Variants in CACNB2 observed in about 807,000 individuals in gnomAD.
The protein encoded by CACNB2 is calcium voltage-gated channel auxiliary subunit beta 2.
A neutral mutation model predicts 73.3 loss-of-function variants in CACNB2; 42 were observed. That is an observed-to-expected ratio of 0.57 (90% CI 0.45 to 0.74). The LOEUF (loss-of-function observed/expected upper bound fraction) is 0.74, where lower values mean the gene tolerates loss of function less well. CACNB2 is among the 30% of genes least tolerant of loss of function. CACNB2 has a pLI of 0.00. For missense variants in CACNB2, 940 were observed against 853.0 expected, an observed-to-expected ratio of 1.10 and a Z score of -1.27; for synonymous variants, 348 against 310.3, an observed-to-expected ratio of 1.12 and a Z score of -1.28.
At chr10:18,222,067 A>G (rs1779217) in intron 2 of CACNB2, among the ~76,000 whole-genome samples, 80,563 of 152,078 alleles carry the variant, frequency 0.53, 22,916 homozygotes, top group Middle Eastern at 0.65. Flanking sequence ...TAACGTTACA[A>G]GGAAAGGAAG....
At chr10:18,347,088 T>C (rs563271676) in intron 2 of CACNB2, among the ~76,000 whole-genome samples, 1 of 152,288 alleles carries the variant, frequency 6.6e-6, no homozygotes, top group East Asian at 1.9e-4. Context: ...GTCTTCTTAA[T>C]AGAAGAAAAA....
chr10:18,399,603 G>C (rs755984858), intron 2 of CACNB2, among the ~76,000 whole-genome samples: 2 of 152,078 alleles, frequency 1.3e-5, no homozygotes, highest in East Asian at 3.9e-4. Flanking sequence ...GGCTGGTCTC[G>C]AACTCATGGG....
intron 9 of CACNB2, among the ~76,000 whole-genome samples, chr10:18,525,010 G>A (rs115167919): frequency 0.023 from 3,272 of 142,426 alleles, 144 homozygotes; most frequent in African/African-American, 0.08. Flanking sequence ...TCCAGCCTGG[G>A]TGACAGTGAG....
chr10:18,476,092 G>A (rs1281426538), intron 3 of CACNB2, among the ~76,000 whole-genome samples: 2 of 152,198 alleles, frequency 1.3e-5, no homozygotes, highest in African/African-American at 2.4e-5. Context: ...ACAAGCAGTG[G>A]ATTGTTCATG....
chr10:18,341,552 A>G lies in CACNB2; in HGVS notation c.214-60372A>G, dbSNP rs78794602. 8.8e-3 allele frequency among the ~76,000 whole-genome samples: 1,343 copies of G among 151,966 alleles called. 21 individuals carry two copies. Among genetic ancestry groups the G allele is most frequent in the African/African-American group, 0.031 (1,286 of 41,544 alleles). The stretch of plus-strand genomic sequence containing the variant: ...TTAGAACTTTTAAAGAAAAGACTTT[A>G]TTATTATTTATTGGTGCCTTTTTAG... On this transcript the variant is annotated intron_variant, in intron 2 of 13. Transcript: ENST00000324631.
At chr10:18,265,215 A>G (rs193108762) in intron 2 of CACNB2, among the ~76,000 whole-genome samples, 2 of 149,350 alleles carry the variant, frequency 1.3e-5, no homozygotes, top group Admixed American at 1.3e-4. Context: ...TAGTGGCACA[A>G]TCTCAGCTCT....
At chr10:18,171,012 ATTT>A (rs2033184291) in intron 2 of CACNB2, among the ~76,000 whole-genome samples, 1 of 152,198 alleles carries the variant, frequency 6.6e-6, no homozygotes, top group Non-Finnish European at 1.5e-5. Flanking sequence ...TGTGTGCTCT[ATTT>A]GGTACCGCTG....
intron 2 of CACNB2, among the ~76,000 whole-genome samples, chr10:18,334,149 T>C (rs966535810): frequency 1.3e-5 from 2 of 152,166 alleles, no homozygotes; most frequent in African/African-American, 4.8e-5. Flanking sequence ...CCCTTTTCAC[T>C]GTTTAGCAAA....
intron 2 of CACNB2, among the ~76,000 whole-genome samples, chr10:18,319,366 A>G (rs938934086): frequency 6.6e-6 from 1 of 152,134 alleles, no homozygotes; most frequent in African/African-American, 2.4e-5. Flanking sequence ...CAGACACTGC[A>G]TGTTCTCACT....
At chr10:18,342,824 A>G (rs2041287433) in intron 2 of CACNB2, among the ~76,000 whole-genome samples, 1 of 152,124 alleles carries the variant, frequency 6.6e-6, no homozygotes, top group South Asian at 2.1e-4. Flanking sequence ...TTTAAATTAT[A>G]CATATGTATA....
At chr10:18,287,158 G>A (rs1198092695) in intron 2 of CACNB2, among the ~76,000 whole-genome samples, 3 of 151,366 alleles carry the variant, frequency 2.0e-5, no homozygotes, top group African/African-American at 7.3e-5. Flanking sequence ...GTGAAACCCC[G>A]TCTCTACTAA....
intron 3 of CACNB2, among the ~76,000 whole-genome samples, chr10:18,471,376 C>T (rs1440920007): frequency 6.6e-6 from 1 of 152,100 alleles, no homozygotes; most frequent in Non-Finnish European, 1.5e-5. Flanking sequence ...TTCTGGAAGA[C>T]CTTAAAATTA....
intron 3 of CACNB2, among the ~76,000 whole-genome samples, chr10:18,422,483 T>A (rs1211972307): frequency 6.6e-6 from 1 of 152,224 alleles, no homozygotes; most frequent in Non-Finnish European, 1.5e-5. Flanking sequence ...CCCAAAGGTT[T>A]AAGATTCCAT....
At chr10:18,319,758 T>C (rs111397392) in intron 2 of CACNB2, among the ~76,000 whole-genome samples, 3 of 152,156 alleles carry the variant, frequency 2.0e-5, no homozygotes, top group Admixed American at 6.5e-5. Flanking sequence ...GTGAGCGTTT[T>C]GCAGTAGAGT....
rs1474652041 is a variant in CACNB2 at position 18,180,867 on chromosome 10, G to C, written c.213+29892G>C. ...TGTAATCCCAGCTACTCAGGAGGCT[G>C]AGACAGGAACATCGCTTGAACCCGG... On this transcript the variant is annotated intron_variant, in intron 2 of 13. Transcript: ENST00000324631. Among the ~76,000 whole-genome samples, 3 of 151,976 alleles carry C rather than the reference G, an allele frequency of 2.0e-5. No individual in the cohort carries two copies. The East Asian group carries it at 5.8e-4, about 29-fold the overall frequency.
At position 18,538,251 on chromosome 10, in the gene CACNB2, G is replaced by C. The variant is rs761677587; in HGVS notation, c.1374G>C (p.Glu458Asp). The C allele has an allele frequency of 6.2e-7, 1 of 1,614,098 alleles. No individual in the cohort carries two copies. Among genetic ancestry groups the C allele is most frequent in the Non-Finnish European group, 8.5e-7 (1 of 1,180,016 alleles). The change falls in exon 13 of 14, where the codon GAG becomes GAC. Residue 458 changes from glutamate (E) to aspartate (D), a missense_variant. Coordinates refer to ENST00000324631, the MANE Select transcript of CACNB2 (RefSeq NM_201596.3). The stretch of plus-strand genomic sequence containing the variant: ...GTGAGCACCTTGCCGACTATCTGGA[G>C]GCCTACTGGAAGGCCACCCATCCTC... ...DACEHLADYL[E>D]AYWKATHPPS...
intron 2 of CACNB2, among the ~76,000 whole-genome samples, chr10:18,367,380 A>G (rs924595644): frequency 6.6e-6 from 1 of 152,138 alleles, no homozygotes; most frequent in African/African-American, 2.4e-5. Flanking sequence ...CTGAAAAGGT[A>G]TTTTTAAAAG....
At chr10:18,449,686 G>A (rs916561340) in intron 3 of CACNB2, among the ~76,000 whole-genome samples, 6 of 152,208 alleles carry the variant, frequency 3.9e-5, no homozygotes, top group Non-Finnish European at 7.3e-5. Context: ...AACGGAGTCC[G>A]AGCAGTCTAT....
chr10:18,282,588 T>C (rs552974460), intron 2 of CACNB2, among the ~76,000 whole-genome samples: 2 of 152,294 alleles, frequency 1.3e-5, no homozygotes, highest in South Asian at 2.1e-4. Flanking sequence ...TGTGATAAAA[T>C]GTTTCATAGA....
Sources: allele counts gnomAD v4.1 joint callset (sites outside exome capture counted in the v4.1 genomes callset), GRCh38; gene constraint gnomAD v4.1.1; transcripts MANE v1.5; gene names NCBI Gene and HGNC (gene_info 2026-07-23, HGNC 2026-07-21).